Variants in BTBD9 observed in about 807,000 individuals in gnomAD.
BTBD9 encodes BTB domain containing 9.
Under a neutral mutation model 64.3 loss-of-function variants are expected in BTBD9, and 49 were observed. The observed-to-expected ratio is 0.76, with a 90% confidence interval of 0.61 to 0.97. BTBD9 has a LOEUF of 0.97. BTBD9 is among the 50% of genes least tolerant of loss of function. The pLI is 0.00. For missense variants in BTBD9, 598 were observed against 762.1 expected (o/e 0.78, Z 2.53); for synonymous variants, 260 against 274.7 (o/e 0.95, Z 0.53).
chr6:38,434,159 T>A (rs1768593842), intron 6 of BTBD9, among the ~76,000 whole-genome samples: 1 of 152,042 alleles, frequency 6.6e-6, no homozygotes, highest in African/African-American at 2.4e-5. Flanking sequence ...GCAAAAAATT[T>A]TGTGGGGCAA....
chr6:38,296,341 C>T (rs946383120), intron 7 of BTBD9, among the ~76,000 whole-genome samples: 5 of 151,788 alleles, frequency 3.3e-5, no homozygotes, highest in African/African-American at 1.2e-4. Flanking sequence ...TATACCTTGC[C>T]TTTCTTTTTT....
At chr6:38,533,486 T>C (rs1250021802) in intron 6 of BTBD9, among the ~76,000 whole-genome samples, 3 of 152,096 alleles carry the variant, frequency 2.0e-5, no homozygotes, top group African/African-American at 7.2e-5. Flanking sequence ...CATCCAACAA[T>C]GAACAGATCT....
intron 6 of BTBD9, among the ~76,000 whole-genome samples, chr6:38,384,563 A>G (rs1766072068): frequency 6.6e-6 from 1 of 152,198 alleles, no homozygotes; most frequent in Non-Finnish European, 1.5e-5. Context: ...TCACTGTGAA[A>G]TATATATTAG....
At chr6:38,455,172 A>G (rs939215782) in intron 6 of BTBD9, among the ~76,000 whole-genome samples, 2 of 152,146 alleles carry the variant, frequency 1.3e-5, no homozygotes, top group Admixed American at 6.5e-5. Flanking sequence ...CTTTTGGTGT[A>G]CTGTTCTATG....
chr6:38,530,442 T>C (rs1406735159), intron 6 of BTBD9, among the ~76,000 whole-genome samples: 1 of 152,170 alleles, frequency 6.6e-6, no homozygotes, highest in African/African-American at 2.4e-5. Flanking sequence ...TAATAAAAAC[T>C]TGCTGGTCTG....
At chr6:38,440,239 C>G (rs1768966060) in intron 6 of BTBD9, among the ~76,000 whole-genome samples, 1 of 152,140 alleles carries the variant, frequency 6.6e-6, no homozygotes, top group African/African-American at 2.4e-5. Flanking sequence ...CAGATGAAGG[C>G]CAAGGCACTT....
At chr6:38,295,165 A>T (rs192529981) in intron 7 of BTBD9, among the ~76,000 whole-genome samples, 1 of 151,926 alleles carries the variant, frequency 6.6e-6, no homozygotes, top group Non-Finnish European at 1.5e-5. Context: ...AAAAAATTCT[A>T]TTATTGTTGT....
At chr6:38,596,525 G>A (rs1777035575) in intron 2 of BTBD9, among the ~76,000 whole-genome samples, 2 of 151,576 alleles carry the variant, frequency 1.3e-5, no homozygotes, top group Admixed American at 1.3e-4. Context: ...TCTTGGCCAG[G>A]TGCAGTGGCT....
At chr6:38,375,446 G>C (rs1053655665) in intron 6 of BTBD9, among the ~76,000 whole-genome samples, 1 of 152,122 alleles carries the variant, frequency 6.6e-6, no homozygotes, top group Admixed American at 6.6e-5. Flanking sequence ...ACAGTTTTCA[G>C]GACCAAATTC....
chr6:38,385,316 A>G (rs372492284), intron 6 of BTBD9, among the ~76,000 whole-genome samples: 1 of 151,200 alleles, frequency 6.6e-6, no homozygotes, highest in Non-Finnish European at 1.5e-5. Flanking sequence ...CAGCCTCCCA[A>G]GTAGCTGGGA....
At chr6:38,373,819 C>T (rs916616308) in intron 6 of BTBD9, among the ~76,000 whole-genome samples, 3 of 152,098 alleles carry the variant, frequency 2.0e-5, no homozygotes, top group East Asian at 1.9e-4. Context: ...TGAGCCACCA[C>T]CTCACCCAGC....
intron 9 of BTBD9, among the ~76,000 whole-genome samples, chr6:38,231,446 T>G (rs1763601248): frequency 6.6e-6 from 1 of 152,232 alleles, no homozygotes; most frequent in South Asian, 2.1e-4. Flanking sequence ...AGTTGCTGCT[T>G]AATCAGATAA....
intron 6 of BTBD9, among the ~76,000 whole-genome samples, chr6:38,518,365 T>C (rs911909744): frequency 2.6e-5 from 4 of 152,250 alleles, no homozygotes; most frequent in Non-Finnish European, 4.4e-5. Flanking sequence ...TCACCATGGT[T>C]CCATTATCTT....
intron 6 of BTBD9, among the ~76,000 whole-genome samples, chr6:38,404,761 C>A (rs911889856): frequency 1.4e-4 from 21 of 152,126 alleles, no homozygotes; most frequent in Non-Finnish European, 1.0e-4. Context: ...ATCAAATTGA[C>A]CCTGGCCAGC....
intron 6 of BTBD9, among the ~76,000 whole-genome samples, chr6:38,399,233 A>G (rs1033720231): frequency 3.3e-5 from 5 of 152,216 alleles, no homozygotes; most frequent in African/African-American, 1.2e-4. Flanking sequence ...ACTTTAATAT[A>G]ATGCACCCAA....
intron 7 of BTBD9, among the ~76,000 whole-genome samples, chr6:38,328,968 ATGTGTGTG>A (rs70981541): frequency 0.2 from 25,420 of 127,170 alleles, 2,449 homozygotes; most frequent in East Asian, 0.34. Flanking sequence ...GAAAGAAAAT[ATGTGTGTG>A]TGTGTGTGTG....
chr6:38,200,279 GGGAA>G (rs1762413839), intron 9 of BTBD9, among the ~76,000 whole-genome samples: 2 of 152,184 alleles, frequency 1.3e-5, no homozygotes, highest in South Asian at 4.1e-4. Context: ...AGTACTCAGA[GGGAA>G]GTTTACAGAT....
chr6:38,220,056 G>A (rs1196911136), intron 9 of BTBD9, among the ~76,000 whole-genome samples: 1 of 152,224 alleles, frequency 6.6e-6, no homozygotes, highest in Non-Finnish European at 1.5e-5. Flanking sequence ...ATGAAAAAGT[G>A]CGTCTACCTC....
At chr6:38,428,598 A>G (rs1768287594) in intron 6 of BTBD9, among the ~76,000 whole-genome samples, 1 of 151,858 alleles carries the variant, frequency 6.6e-6, no homozygotes, top group Non-Finnish European at 1.5e-5. Flanking sequence ...CAACACCAAG[A>G]ACAGTGTTTG....
Sources: allele counts gnomAD v4.1 joint callset (sites outside exome capture counted in the v4.1 genomes callset), GRCh38; gene constraint gnomAD v4.1.1; transcripts MANE v1.5; gene names NCBI Gene and HGNC (gene_info 2026-07-23, HGNC 2026-07-21).